Variants in TTC29 observed in about 807,000 individuals in gnomAD.
The protein encoded by TTC29 is tetratricopeptide repeat domain 29, also known as tetratricopeptide repeat protein 29.
In TTC29, 49 loss-of-function variants were observed where a neutral mutation model predicts 58.1. The ratio of observed to expected loss-of-function variants is 0.84; its 90% CI spans 0.67 to 1.07. The LOEUF (loss-of-function observed/expected upper bound fraction) is 1.07, where lower values mean the gene tolerates loss of function less well. Ranked by LOEUF, TTC29 falls within the 50% of genes least tolerant of loss-of-function variation. TTC29 has a pLI of 0.00. For synonymous variants in TTC29, 209 were observed against 196.8 expected (o/e 1.06, Z -0.52); for missense variants, 582 against 555.6 (o/e 1.05, Z -0.48).
Position 146,781,986 on chromosome 4 carries a change from A to G in TTC29, c.1330+21471T>C, listed in dbSNP as rs571621870. On this transcript the variant is annotated intron_variant, in intron 11 of 12. Transcript: ENST00000325106. ...ACAATCATTAGCAAATTTCACGGCC[A>G]ATTTCTATCAAATAGGAAATTGAAG... Among the ~76,000 whole-genome samples the G allele has an allele frequency of 8.1e-4, 123 of 152,012 alleles. 1 individual carries two copies. The South Asian group carries it at 1.0e-2, about 12-fold the overall frequency.
At chr4:146,776,848 G>A (rs1392928181) in intron 11 of TTC29, among the ~76,000 whole-genome samples, 1 of 152,362 alleles carries the variant, frequency 6.6e-6, no homozygotes, top group East Asian at 1.9e-4. Flanking sequence ...AGGCCGGGGC[G>A]AGTTGCCAGT....
chr4:146,716,264 A>G (rs1263385272), intron 11 of TTC29, among the ~76,000 whole-genome samples: 3 of 152,180 alleles, frequency 2.0e-5, no homozygotes, highest in African/African-American at 4.8e-5. Flanking sequence ...TGTGCAGTGT[A>G]ATACATATAA....
intron 11 of TTC29, among the ~76,000 whole-genome samples, chr4:146,750,505 G>T (rs1220026240): frequency 6.6e-6 from 1 of 151,998 alleles, no homozygotes; most frequent in Non-Finnish European, 1.5e-5. Context: ...AAATAAAAAT[G>T]ACCAAAAATA....
At chr4:146,931,156 A>G (rs1190214504) in intron 4 of TTC29, among the ~76,000 whole-genome samples, 4 of 152,114 alleles carry the variant, frequency 2.6e-5, no homozygotes, top group Admixed American at 2.0e-4. Flanking sequence ...CAATCTGGGC[A>G]ACATAGTGAG....
At chr4:146,784,019 CAGT>C (rs1316742685) in intron 11 of TTC29, among the ~76,000 whole-genome samples, 2 of 150,668 alleles carry the variant, frequency 1.3e-5, no homozygotes, top group African/African-American at 4.9e-5. Flanking sequence ...TGAATTAACT[CAGT>C]AGCTTGAACT....
chr4:146,754,942 G>C (rs1746325687), intron 11 of TTC29, among the ~76,000 whole-genome samples: 1 of 151,844 alleles, frequency 6.6e-6, no homozygotes, highest in Non-Finnish European at 1.5e-5. Context: ...ACCCAAATCA[G>C]AAAGAAAGAA....
chr4:146,720,445 A>T (rs1450133356), intron 11 of TTC29, among the ~76,000 whole-genome samples: 1 of 152,152 alleles, frequency 6.6e-6, no homozygotes, highest in African/African-American at 2.4e-5. Flanking sequence ...CACTGTTGTT[A>T]ATTCATGGGG....
At chr4:146,818,726 C>T (rs946684287) in intron 10 of TTC29, among the ~76,000 whole-genome samples, 5 of 152,066 alleles carry the variant, frequency 3.3e-5, no homozygotes, top group Admixed American at 6.5e-5. Flanking sequence ...AAATGTGGCA[C>T]ATATACACCA....
intron 4 of TTC29, among the ~76,000 whole-genome samples, chr4:146,911,153 G>A (rs1348562402): frequency 6.6e-6 from 1 of 152,194 alleles, no homozygotes; most frequent in Non-Finnish European, 1.5e-5. Context: ...TCCCTGCATA[G>A]CACTTCTAGG....
chr4:146,753,309 C>A (rs1209114609), intron 11 of TTC29, among the ~76,000 whole-genome samples: 4 of 152,196 alleles, frequency 2.6e-5, no homozygotes, highest in African/African-American at 9.7e-5. Flanking sequence ...AAATGCTCAT[C>A]ATCACTGGCC....
At chr4:146,788,031 C>G (rs1749158477) in intron 11 of TTC29, among the ~76,000 whole-genome samples, 1 of 152,110 alleles carries the variant, frequency 6.6e-6, no homozygotes, top group South Asian at 2.1e-4. Flanking sequence ...TATTTTATCT[C>G]AACCTTTTCA....
rs545554224 is a variant in TTC29, at chr4:146,886,545, G to C, written c.587-11617C>G. 2.6e-5 allele frequency among the ~76,000 whole-genome samples: 4 copies of C among 152,332 alleles called. No homozygotes were observed. In the South Asian group the frequency reaches 8.3e-4, roughly 32 times the overall value. On this transcript the variant is annotated intron_variant, in intron 6 of 12. Transcript: ENST00000325106. Reference sequence around the variant, plus strand: ...ATACTCATTGAACACGACATGGGAAGCGTGGGCTAGGGTAGGGCTGAGGAG... The same window carrying C: ...ATACTCATTGAACACGACATGGGAACCGTGGGCTAGGGTAGGGCTGAGGAG...
intron 4 of TTC29, among the ~76,000 whole-genome samples, chr4:146,916,258 T>C (rs1036155640): frequency 1.1e-4 from 16 of 151,794 alleles, no homozygotes; most frequent in African/African-American, 3.4e-4. Flanking sequence ...GTTTATGTTT[T>C]ATAGTTTTTG....
chr4:146,799,552 A>C (rs946288229), intron 11 of TTC29, among the ~76,000 whole-genome samples: 2 of 152,192 alleles, frequency 1.3e-5, no homozygotes, highest in African/African-American at 4.8e-5. Context: ...ATGATGCATA[A>C]AACTACGATG....
intron 6 of TTC29, among the ~76,000 whole-genome samples, chr4:146,898,634 A>T (rs913983979): frequency 1.3e-5 from 2 of 152,240 alleles, no homozygotes. Context: ...CCTTGTCTGC[A>T]GTGAACATAT....
chr4:146,826,766 T>G (rs1401197059), intron 9 of TTC29, among the ~76,000 whole-genome samples: 2 of 152,110 alleles, frequency 1.3e-5, no homozygotes, highest in African/African-American at 4.8e-5. Context: ...AGGCTCGGTC[T>G]TTTTATGAAG....
At chr4:146,802,982 G>T (rs1184281628) in intron 11 of TTC29, among the ~76,000 whole-genome samples, 1 of 152,084 alleles carries the variant, frequency 6.6e-6, no homozygotes, top group Non-Finnish European at 1.5e-5. Flanking sequence ...TGGCAAAAAA[G>T]TAGAATTGAG....
chr4:146,847,550 C>A (rs1729251691), intron 8 of TTC29, among the ~76,000 whole-genome samples: 1 of 152,110 alleles, frequency 6.6e-6, no homozygotes, highest in Admixed American at 6.5e-5. Flanking sequence ...GGAGCCGGCA[C>A]TGAGGCAGAG....
intron 8 of TTC29, among the ~76,000 whole-genome samples, chr4:146,861,977 G>A (rs1264664955): frequency 2.0e-5 from 3 of 151,942 alleles, no homozygotes; most frequent in Non-Finnish European, 4.4e-5. Flanking sequence ...GACTGAATAC[G>A]AAAAGGAAAG....
Sources: gnomAD v4.1 joint callset for allele counts (sites outside exome capture counted in the v4.1 genomes callset) on GRCh38, gnomAD v4.1.1 for gene constraint, MANE v1.5 for transcripts, NCBI Gene and HGNC (gene_info 2026-07-23, HGNC 2026-07-21) for gene names.